Variants in PODXL2 observed in about 807,000 individuals in gnomAD.
The protein encoded by PODXL2 is podocalyxin-like protein 2.
In PODXL2, 17 loss-of-function variants were observed where a neutral mutation model predicts 53.4. The ratio of observed to expected loss-of-function variants is 0.32; its 90% CI spans 0.22 to 0.48. The LOEUF is 0.48. Among genes scored for constraint, PODXL2 ranks in the 20% least tolerant of loss-of-function variants. PODXL2 has a pLI of 0.99. For missense variants in PODXL2, 673 were observed against 760.0 expected, an observed-to-expected ratio of 0.89 and a Z score of 1.35; for synonymous variants, 311 against 306.7, an observed-to-expected ratio of 1.01 and a Z score of -0.15.
chr3:127,667,898 G>C (rs1161970470), intron 4 of PODXL2, among the ~76,000 whole-genome samples: 1 of 152,202 alleles, frequency 6.6e-6, no homozygotes, highest in Admixed American at 6.5e-5. Context: ...CAGGCGAGAG[G>C]AGAGCCGCGT....
At chr3:127,656,178 G>C (rs1002760693) in intron 2 of PODXL2, among the ~76,000 whole-genome samples, 1 of 152,212 alleles carries the variant, frequency 6.6e-6, no homozygotes, top group African/African-American at 2.4e-5. Context: ...CACTAGAGTT[G>C]TTTGTAATGC....
intron 5 of PODXL2, 90 bp downstream of exon 5, chr3:127,668,687 G>A (rs1280507315): frequency 1.2e-5 from 15 of 1,262,716 alleles, no homozygotes; most frequent in Non-Finnish European, 1.6e-5. Context: ...CACGCATAAG[G>A]GCTTTGAAAC....
At position 127,672,599 on chromosome 3, in the gene PODXL2, C is replaced by T. The variant is rs958152600; in HGVS notation, c.*119C>T. On this transcript the variant is annotated 3_prime_UTR_variant, in exon 8 of 8. Coordinates refer to ENST00000342480, the MANE Select transcript of PODXL2 (RefSeq NM_015720.4). ...CCCGGGCCGCCCCCGCGGCCTGGCC[C>T]TCGGCGCGGGCTCCTTCCCGCTTCC... 3.2e-6 allele frequency: 2 copies of T among 618,412 alleles called. No homozygotes were observed. The highest frequency in any genetic ancestry group is 3.5e-5 in the East Asian group (1 of 28,756). 38.3% of individuals were successfully genotyped at this position (618,412 alleles called of 1,614,324 possible).
intron 4 of PODXL2, 95 bp from the exon 5 acceptor site, chr3:127,668,346 G>A: frequency 8.7e-7 from 1 of 1,146,816 alleles, no homozygotes; most frequent in Non-Finnish European, 1.2e-6. Context: ...ACAGCCAGAG[G>A]GTTGAGGGTG....
chr3:127,672,215 C>T (rs1220235912), intron 7 of PODXL2, 53 bp from the exon 8 acceptor site: 25 of 1,467,958 alleles, frequency 1.7e-5, no homozygotes, highest in Admixed American at 1.4e-4. Context: ...GCGGGCCTGG[C>T]GCTGTCCGGG....
At chr3:127,656,863 A>G (rs575478369) in intron 2 of PODXL2, among the ~76,000 whole-genome samples, 1 of 151,798 alleles carries the variant, frequency 6.6e-6, no homozygotes, top group Non-Finnish European at 1.5e-5. Flanking sequence ...TGGGCAGTGT[A>G]GAGAGACCCT....
intron 2 of PODXL2, among the ~76,000 whole-genome samples, chr3:127,642,708 G>A (rs1393107747): frequency 2.6e-5 from 4 of 152,042 alleles, no homozygotes; most frequent in South Asian, 2.1e-4. Context: ...ATATGTGTAC[G>A]TTCATTATAT....
At chr3:127,665,936 A>G in intron 4 of PODXL2, 1 of 471,762 alleles carries the variant, frequency 2.1e-6, no homozygotes, top group Non-Finnish European at 4.3e-6. Context: ...TTTAGAAACT[A>G]AGATCTGGGC....
intron 4 of PODXL2, among the ~76,000 whole-genome samples, chr3:127,663,261 G>A (rs993361360): frequency 3.9e-5 from 6 of 152,104 alleles, no homozygotes; most frequent in African/African-American, 9.7e-5. Context: ...CCCCTATTCC[G>A]GGGCATCTGG....
intron 1 of PODXL2, among the ~76,000 whole-genome samples, chr3:127,637,731 C>G (rs1004820503): frequency 6.6e-6 from 1 of 152,238 alleles, no homozygotes; most frequent in South Asian, 2.1e-4. Context: ...CCCATCCACA[C>G]AACCCAGAAT....
intron 2 of PODXL2, among the ~76,000 whole-genome samples, chr3:127,651,285 CA>C (rs1470337585): frequency 6.6e-6 from 1 of 152,090 alleles, no homozygotes; most frequent in Admixed American, 6.5e-5. Flanking sequence ...CAAAAAACAC[CA>C]GGGTGAATCC....
At chr3:127,630,135 G>A (rs1017142767) in intron 1 of PODXL2, among the ~76,000 whole-genome samples, 6 of 152,076 alleles carry the variant, frequency 3.9e-5, no homozygotes, top group African/African-American at 1.4e-4. Context: ...TAGGGAGGTG[G>A]GCATGGGGTG....
intron 1 of PODXL2, among the ~76,000 whole-genome samples, chr3:127,638,426 G>A (rs1048448772): frequency 1.3e-5 from 2 of 152,120 alleles, no homozygotes; most frequent in African/African-American, 2.4e-5. Flanking sequence ...AAAAGACTAC[G>A]TTCAGAGGCT....
At chr3:127,669,103 C>T (rs2074814274) in intron 5 of PODXL2, 38 bp from the exon 6 acceptor site, 1 of 1,482,216 alleles carries the variant, frequency 6.7e-7, no homozygotes, top group African/African-American at 1.4e-5. Context: ...CGCACCTCAG[C>T]CATGGTCACA....
Position 127,629,358 on chromosome 3 carries a change from C to G in PODXL2, c.70+69C>G. 1.0e-6 allele frequency: 1 copy of G among 996,590 alleles called. No homozygotes were observed. 61.7% of individuals were successfully genotyped at this position (996,590 alleles called of 1,614,324 possible). A position where few individuals can be genotyped will look rare whatever the true frequency, so the allele number is the denominator to read the frequency against. ...GTGGGCGCGGTGCTGGACAGCTCCC[C>G]GGGCCGCCAACAAAGGGGCCAGAGT... On this transcript the variant is annotated intron_variant, in intron 1 of 7. Transcript: ENST00000342480. The surrounding 1 kb of genome is among the most constrained non-coding windows in gnomAD (Gnocchi z 6.4).
At chr3:127,648,932 C>T (rs1342125392) in intron 2 of PODXL2, among the ~76,000 whole-genome samples, 1 of 151,782 alleles carries the variant, frequency 6.6e-6, no homozygotes, top group Non-Finnish European at 1.5e-5. Context: ...ACTGGGGCTG[C>T]AGGCAGGTGC....
intron 4 of PODXL2, among the ~76,000 whole-genome samples, chr3:127,664,238 A>T (rs1161161906): frequency 2.6e-5 from 4 of 152,188 alleles, no homozygotes; most frequent in Non-Finnish European, 5.9e-5. Flanking sequence ...TAGAAGTGGA[A>T]TTAGACAACA....
In PODXL2 at chr3:127,639,527, G is replaced by T. The variant is rs752089249; in HGVS notation, c.349+4G>T. On this transcript the variant is annotated splice_donor_region_variant and intron_variant, in intron 2 of 7. Transcript: ENST00000342480. The stretch of plus-strand genomic sequence containing the variant: ...CTGGACCTGGGACCCACTGCAGGTA[G>T]CTCTTCTTACCTACAGAGCATGTGT... 1.2e-6 allele frequency: 2 copies of T among 1,608,108 alleles called. No homozygotes were observed. The highest frequency in any genetic ancestry group is 2.2e-5 in the South Asian group (2 of 90,254).
At chr3:127,661,943 T>C (rs1333287886) in intron 3 of PODXL2, among the ~76,000 whole-genome samples, 1 of 152,178 alleles carries the variant, frequency 6.6e-6, no homozygotes, top group African/African-American at 2.4e-5. Flanking sequence ...AAAGCCAGCA[T>C]GTGGGGCAAG....
Sources: gnomAD v4.1 joint callset for allele counts (sites outside exome capture counted in the v4.1 genomes callset) on GRCh38, gnomAD v4.1.1 for gene constraint, Gnocchi (gnomAD v3.1) non-coding constraint, MANE v1.5 for transcripts, NCBI Gene and HGNC (gene_info 2026-07-23, HGNC 2026-07-21) for gene names.